Variants in PAFAH2 observed in about 807,000 individuals in gnomAD.
PAFAH2 encodes the protein platelet-activating factor acetylhydrolase 2, cytoplasmic.
PAFAH2 carries 42 observed loss-of-function variants against 49.0 expected under a neutral mutation model. The observed-to-expected ratio is 0.86, with a 90% confidence interval of 0.67 to 1.11. The LOEUF is 1.11. Ranked by LOEUF, PAFAH2 falls within the 50% of genes least tolerant of loss-of-function variation. The probability of loss-of-function intolerance (pLI) is 0.00; values close to 1 mark genes in which losing one functional copy is unlikely to be tolerated. For missense variants in PAFAH2, 503 were observed against 501.8 expected (o/e 1.00, Z -0.02); for synonymous variants, 184 against 181.3 (o/e 1.01, Z -0.12).
chr1:25,995,332 C>T (rs1318059809), intron 1 of PAFAH2, among the ~76,000 whole-genome samples: 3 of 152,190 alleles, frequency 2.0e-5, no homozygotes, highest in Non-Finnish European at 2.9e-5. Flanking sequence ...AGTGACTTGC[C>T]TGCAACAGTG....
chr1:25,982,731 T>G (rs960435138), intron 6 of PAFAH2, among the ~76,000 whole-genome samples: 2 of 152,188 alleles, frequency 1.3e-5, no homozygotes, highest in African/African-American at 4.8e-5. Flanking sequence ...AAGGATCCAA[T>G]GAGATGATGT....
chr1:25,992,536 A>G (rs1247151489), intron 1 of PAFAH2, among the ~76,000 whole-genome samples: 1 of 152,218 alleles, frequency 6.6e-6, no homozygotes, highest in Non-Finnish European at 1.5e-5. Context: ...ACTCTGTGCC[A>G]GGAACTATGT....
rs1407390156 is a variant in PAFAH2, at chr1:25,961,289, C to G, written c.*700G>C. On this transcript the variant is annotated 3_prime_UTR_variant, in exon 11 of 11. Transcript: ENST00000374282. ...CTATCAAGATACACTTAGCAAAACC[C>G]CCAAAGACATCCAGAGCTTCTGAGG... is the stretch of plus-strand genomic sequence containing the variant. 1 of 152,108 alleles carries G rather than the reference C, an allele frequency of 6.6e-6. No homozygotes were observed. The highest frequency in any genetic ancestry group is 2.4e-5 in the African/African-American group (1 of 41,412). 9.4% of individuals were successfully genotyped at this position (152,108 alleles called of 1,614,324 possible).
Position 25,982,489 on chromosome 1 carries a change from A to G in PAFAH2, c.553-12T>C. 1 of 1,595,460 alleles carries G rather than the reference A, an allele frequency of 6.3e-7. No homozygotes were observed. The highest frequency in any genetic ancestry group is 8.6e-7 in the Non-Finnish European group (1 of 1,163,148). On this transcript the variant is annotated splice_polypyrimidine_tract_variant and intron_variant, in intron 6 of 10. Coordinates refer to ENST00000374282, the MANE Select transcript of PAFAH2 (RefSeq NM_000437.4). Reference sequence around the variant, plus strand: ...ACCCGCTGATGCACCTGCAACAGAGACAGTCCCAGTGGGACTGGAACACTC... The same window carrying G: ...ACCCGCTGATGCACCTGCAACAGAGGCAGTCCCAGTGGGACTGGAACACTC...
At chr1:25,984,880 G>A (rs1321761418) in intron 4 of PAFAH2, among the ~76,000 whole-genome samples, 2 of 124,940 alleles carry the variant, frequency 1.6e-5, no homozygotes, top group East Asian at 2.4e-4. Flanking sequence ...ACAGAGTCTC[G>A]CTCTGTTGCC....
At position 25,984,526 on chromosome 1, in the gene PAFAH2, G is replaced by C. The variant is rs1481773998; in HGVS notation, c.344C>G (p.Thr115Ser). ...IFSHGLGAFR[T>S]LYSAFCMELA... ...CTCCATGCAGAAGGCTGAATACAAA[G>C]TCCTGGAGATTCAAAAAGGAACAAG... Residue 115 changes from threonine to serine, a missense_variant and splice_region_variant, in exon 5 of 11, where the codon ACT becomes AGT. By Grantham distance (58) the Thr-to-Ser change is moderately conservative (BLOSUM62 1). Transcript: ENST00000374282. The C allele has an allele frequency of 5.6e-6, 9 of 1,613,350 alleles. No individual in the cohort carries two copies. Among genetic ancestry groups the C allele is most frequent in the Non-Finnish European group, 7.6e-6 (9 of 1,179,446 alleles).
chr1:25,970,201 T>A (rs771756058), intron 10 of PAFAH2, among the ~76,000 whole-genome samples: 17 of 152,126 alleles, frequency 1.1e-4, no homozygotes, highest in Non-Finnish European at 2.1e-4. Context: ...GCGCGATGGC[T>A]CACACCTGTA....
At chr1:25,982,605 G>A in intron 6 of PAFAH2, 128 bp from the exon 7 acceptor site, 1 of 673,930 alleles carries the variant, frequency 1.5e-6, no homozygotes, top group Non-Finnish European at 2.6e-6. Context: ...AAGCACCTTG[G>A]GTGCCATGTC....
chr1:25,975,209 C>A (rs2049571267), intron 8 of PAFAH2, among the ~76,000 whole-genome samples: 1 of 152,052 alleles, frequency 6.6e-6, no homozygotes, highest in South Asian at 2.1e-4. Flanking sequence ...TTCCTCAGAC[C>A]CCTGAAATGC....
intron 10 of PAFAH2, among the ~76,000 whole-genome samples, chr1:25,971,423 C>T (rs958473520): frequency 1.3e-5 from 2 of 151,548 alleles, no homozygotes; most frequent in African/African-American, 2.4e-5. Context: ...ATGCCGCAAG[C>T]TAAAGGGAAC....
intron 9 of PAFAH2, among the ~76,000 whole-genome samples, chr1:25,973,795 G>C (rs1230471887): frequency 6.6e-6 from 1 of 152,208 alleles, no homozygotes; most frequent in Non-Finnish European, 1.5e-5. Flanking sequence ...ATAGGAACCA[G>C]ATGGATCCCT....
At chr1:25,997,433 C>T (rs2049951930) in intron 1 of PAFAH2, 1 of 152,222 alleles carries the variant, frequency 6.6e-6, no homozygotes, top group Admixed American at 6.5e-5. Flanking sequence ...TTGTTGGCTC[C>T]TCAACACTCC....
At position 25,988,310 on chromosome 1, in the gene PAFAH2, C is replaced by G. The variant is rs747485296; in HGVS notation, c.262G>C (p.Val88Leu). The change falls in exon 4 of 11, where the codon GTT (valine) becomes CTT (leucine). Residue 88 changes from valine (V) to leucine (L), a missense_variant. Val to Leu is a conservative substitution (Grantham distance 32, BLOSUM62 1). Transcript: ENST00000374282. ...NLAVGSCRLP[V>L]SWNGPFKTKD... ...GTCTTAAAGGGGCCATTCCAGCTAA[C>G]AGGCAGGCGACAAGATCCTAGCAGA... 1.2e-6 allele frequency: 2 copies of G among 1,611,094 alleles called. No individual in the cohort carries two copies. The highest frequency in any genetic ancestry group is 1.7e-6 in the Non-Finnish European group (2 of 1,178,676).
chr1:25,965,735 T>C (rs1416922203), intron 10 of PAFAH2, among the ~76,000 whole-genome samples: 5 of 144,198 alleles, frequency 3.5e-5, no homozygotes, highest in African/African-American at 1.3e-4. Flanking sequence ...GGAGAATCAC[T>C]TGAACCTGGG....
At chr1:25,963,018 C>T (rs1393236596) in intron 10 of PAFAH2, among the ~76,000 whole-genome samples, 1 of 152,072 alleles carries the variant, frequency 6.6e-6, no homozygotes, top group Non-Finnish European at 1.5e-5. Flanking sequence ...GCCCTGAGCT[C>T]ACAGCCAATA....
chr1:25,987,645 T>C (rs918523540), intron 4 of PAFAH2, among the ~76,000 whole-genome samples: 11 of 150,758 alleles, frequency 7.3e-5, no homozygotes, highest in Non-Finnish European at 1.5e-4. Context: ...TTTGGAAGGC[T>C]AGAACGGGAG....
intron 1 of PAFAH2, among the ~76,000 whole-genome samples, chr1:25,993,344 G>A (rs12408803): frequency 0.52 from 79,585 of 151,890 alleles, 24,561 homozygotes; most frequent in East Asian, 0.7. Context: ...GAGACCTAAG[G>A]GAGCATTTCC....
intron 10 of PAFAH2, among the ~76,000 whole-genome samples, chr1:25,972,286 TAG>T (rs949904210): frequency 1.3e-5 from 2 of 150,500 alleles, no homozygotes; most frequent in East Asian, 1.9e-4. Context: ...TTGGTAAAGA[TAG>T]AGTCTCACTA....
intron 10 of PAFAH2, among the ~76,000 whole-genome samples, chr1:25,968,232 G>A (rs2049456452): frequency 6.6e-6 from 1 of 152,096 alleles, no homozygotes; most frequent in Admixed American, 6.6e-5. Context: ...ATGTTGAGCA[G>A]ACAGAAGAGG....
Sources: allele counts gnomAD v4.1 joint callset (sites outside exome capture counted in the v4.1 genomes callset), GRCh38; gene constraint gnomAD v4.1.1; transcripts MANE v1.5; gene names NCBI Gene and HGNC (gene_info 2026-07-23, HGNC 2026-07-21).